LRRIQ1: variants seen among roughly 807,000 people sequenced by gnomAD.
LRRIQ1 encodes leucine-rich repeat- and IQ domain-containing protein 1.
A neutral mutation model predicts 211.9 loss-of-function variants in LRRIQ1; 210 were observed. The observed-to-expected ratio is 0.99, with a 90% CI of 0.89 to 1.11. The LOEUF is 1.11. LRRIQ1 is among the 50% of genes most tolerant of loss of function. LRRIQ1 has a pLI of 0.00. For synonymous variants in LRRIQ1, 699 were observed against 650.1 expected (o/e 1.08, Z -1.14); for missense variants, 2,136 against 1,939.5 (o/e 1.10, Z -1.90).
chr12:85,113,907 T>TGTGTGTGTGTGTG (rs1887368171), intron 15 of LRRIQ1, among the ~76,000 whole-genome samples: 5 of 140,966 alleles, frequency 3.5e-5, no homozygotes, highest in South Asian at 2.3e-4. Flanking sequence ...CAAATGAGTT[T>TGTGTGTGTGTGTG]TGTGTGTGTG....
At chr12:85,106,732 AG>A (rs199904238) in intron 15 of LRRIQ1, 117 bp downstream of exon 15, 1 of 712,312 alleles carries the variant, frequency 1.4e-6, no homozygotes, top group Non-Finnish European at 2.3e-6. Context: ...AAAAATTAAA[AG>A]TCATTTTAAA....
At chr12:85,076,159 C>T (rs760564621) in intron 11 of LRRIQ1, among the ~76,000 whole-genome samples, 5 of 151,804 alleles carry the variant, frequency 3.3e-5, no homozygotes, top group East Asian at 3.9e-4. Flanking sequence ...TATGTATAAG[C>T]GCTTTTTCAG....
intron 11 of LRRIQ1, among the ~76,000 whole-genome samples, chr12:85,075,483 C>G (rs183371407): frequency 6.6e-6 from 1 of 152,050 alleles, no homozygotes; most frequent in East Asian, 1.9e-4. Context: ...CTGGCGCAGG[C>G]AAGTTGCAAG....
At chr12:85,201,897 G>T (rs2137022416) in intron 24 of LRRIQ1, among the ~76,000 whole-genome samples, 1 of 151,910 alleles carries the variant, frequency 6.6e-6, no homozygotes, top group Non-Finnish European at 1.5e-5. Flanking sequence ...AATAATTTCA[G>T]GTTTTTCTTA....
chr12:85,196,517 A>G (rs1892921187), intron 24 of LRRIQ1, among the ~76,000 whole-genome samples: 1 of 151,924 alleles, frequency 6.6e-6, no homozygotes, highest in African/African-American at 2.4e-5. Context: ...CTCAGAAATA[A>G]CACCACATAT....
chr12:85,166,806 A>T (rs1173563175), intron 24 of LRRIQ1, among the ~76,000 whole-genome samples: 1 of 152,232 alleles, frequency 6.6e-6, no homozygotes, highest in South Asian at 2.1e-4. Context: ...AGTCAAAATT[A>T]TCATGGATGC....
intron 18 of LRRIQ1, among the ~76,000 whole-genome samples, chr12:85,133,600 G>A (rs767710574): frequency 3.3e-5 from 5 of 152,146 alleles, no homozygotes; most frequent in Non-Finnish European, 5.9e-5. Context: ...GGAAGATAAA[G>A]TGGCACTGGG....
chr12:85,041,917 C>T lies in LRRIQ1; in HGVS notation c.244+1316C>T, dbSNP rs544381969. ...AGAAAGAGAAGCATATATTGGTGGA[C>T]TGGTACAAAATGAAGAAAGGAAGGT... On this transcript the variant is annotated intron_variant, in intron 3 of 26. Coordinates refer to ENST00000393217, the MANE Select transcript of LRRIQ1 (RefSeq NM_001079910.2). 9.2e-5 allele frequency among the ~76,000 whole-genome samples: 14 copies of T among 151,894 alleles called. No homozygotes were observed. In the South Asian group the frequency reaches 2.7e-3, roughly 29 times the overall value.
chr12:85,272,767 A>G, the LRRIQ1 span, among the ~76,000 whole-genome samples: 1 of 152,150 alleles, frequency 6.6e-6, no homozygotes, highest in African/African-American at 2.4e-5. Context: ...ACGAGGGTCC[A>G]TTTGGGGGCA....
At position 85,229,547 on chromosome 12, in the gene LRRIQ1, C is replaced by A. The variant is rs764625674; in HGVS notation, c.4853C>A (p.Thr1618Asn). ...GIEEDPIHKD[T>N]TANEKLERNR... ...GAAGAAGACCCTATCCACAAAGATA[C>A]CACTGCAAATGAAAAATTAGAACGG... Residue 1618 changes from threonine to asparagine, a missense_variant, in exon 25 of 27, where the codon ACC (threonine) becomes AAC (asparagine). Physicochemically the swap from Thr to Asn is moderately conservative, Grantham distance 65. Transcript: ENST00000393217. The A allele has an allele frequency of 1.1e-5, 18 of 1,611,828 alleles. 1 individual carries two copies. In the Admixed American group the frequency reaches 2.7e-4, roughly 24 times the overall value.
rs1890406045 is a variant in LRRIQ1 at position 85,154,102 on chromosome 12, A to G, written c.4720+8A>G. ...AACTAAAGAAAAAAATAGGTGAGTA[A>G]TTAGTGCTCTTTGAATAATAACTGT... On this transcript the variant is annotated splice_region_variant and intron_variant, in intron 23 of 26. Coordinates refer to ENST00000393217, the MANE Select transcript of LRRIQ1 (RefSeq NM_001079910.2). 1.3e-6 allele frequency: 2 copies of G among 1,492,310 alleles called. No individual in the cohort carries two copies. The highest frequency in any genetic ancestry group is 1.8e-6 in the Non-Finnish European group (2 of 1,100,472). 92.4% of individuals were successfully genotyped at this position (1,492,310 alleles called of 1,614,324 possible).
intron 8 of LRRIQ1, among the ~76,000 whole-genome samples, chr12:85,059,990 T>C (rs1057216926): frequency 1.3e-5 from 2 of 152,006 alleles, no homozygotes; most frequent in African/African-American, 4.8e-5. Context: ...GACTACTAAG[T>C]TCTATGTTAA....
chr12:85,056,079 A>G lies in LRRIQ1; in HGVS notation c.1286A>G (p.Glu429Gly). The G allele has an allele frequency of 6.3e-7, 1 of 1,596,118 alleles. No individual in the cohort carries two copies. Among genetic ancestry groups the G allele is most frequent in the Admixed American group, 1.8e-5 (1 of 55,290 alleles). The change falls in exon 8 of 27, where the codon GAA becomes GGA. Residue 429 changes from glutamate (E) to glycine (G), a missense_variant. Transcript: ENST00000393217. ...KGDIAKNLVDENSKKQEDVLL... is the reference protein window; with the variant it reads ...KGDIAKNLVDGNSKKQEDVLL... ...GATATAGCCAAAAATCTAGTGGATG[A>G]AAATTCAAAGAAGCAGGAAGATGTT...
At chr12:85,123,906 C>T (rs113650251) in intron 16 of LRRIQ1, among the ~76,000 whole-genome samples, 164 bp from the exon 17 acceptor site, 11 of 152,002 alleles carry the variant, frequency 7.2e-5, no homozygotes, top group East Asian at 1.9e-4. Flanking sequence ...TTGTTATAAA[C>T]GAGATCAATT....
At chr12:85,092,821 A>G (rs1451445549) in intron 11 of LRRIQ1, among the ~76,000 whole-genome samples, 1 of 152,182 alleles carries the variant, frequency 6.6e-6, no homozygotes, top group Non-Finnish European at 1.5e-5. Context: ...ATTCTTAGAG[A>G]CTAACCACAT....
At chr12:85,045,993 A>G (rs780965285) in intron 4 of LRRIQ1, 27 bp from the exon 5 acceptor site, 4 of 1,289,138 alleles carry the variant, frequency 3.1e-6, no homozygotes, top group South Asian at 1.3e-5. Context: ...ATTTTCTTTA[A>G]TCATTGGTAC....
intron 19 of LRRIQ1, among the ~76,000 whole-genome samples, chr12:85,141,239 A>G (rs1889510983): frequency 6.6e-6 from 1 of 151,294 alleles, no homozygotes; most frequent in Non-Finnish European, 1.5e-5. Flanking sequence ...GTAGGTAAGT[A>G]TATTGTTATT....
At position 85,072,941 on chromosome 12, in the gene LRRIQ1, C is replaced by T. The variant is rs1565808691; in HGVS notation, c.2730C>T (p.Asp910=). ...YSFFLEEKLV[D]NAGFCHHLGT... is the part of the protein sequence containing the mutation. ...TCTTTCTGGAAGAAAAACTTGTTGA[C>T]AATGCAGGGTTCTGCCATCACTTGG... The change falls in exon 11 of 27, where the codon GAC becomes GAT. Residue 910 remains aspartate (D), a synonymous_variant. Transcript: ENST00000393217. The T allele has an allele frequency of 3.1e-6, 5 of 1,609,798 alleles. No individual in the cohort carries two copies. The highest frequency in any genetic ancestry group is 4.2e-6 in the Non-Finnish European group (5 of 1,178,238).
intron 24 of LRRIQ1, among the ~76,000 whole-genome samples, chr12:85,224,697 A>C (rs1894563216): frequency 7.4e-6 from 1 of 135,676 alleles, no homozygotes; most frequent in South Asian, 2.8e-4. Flanking sequence ...GAACATATGG[A>C]CACAGGGAGG....
Sources: gnomAD v4.1 joint callset for allele counts (sites outside exome capture counted in the v4.1 genomes callset) on GRCh38, gnomAD v4.1.1 for gene constraint, MANE v1.5 for transcripts, NCBI Gene and HGNC (gene_info 2026-07-23, HGNC 2026-07-21) for gene names.